Variants in TMC7 observed in about 807,000 individuals in gnomAD.
TMC7 encodes the protein transmembrane channel like 7.
In TMC7, 54 loss-of-function variants were observed where a neutral mutation model predicts 82.9. The observed-to-expected ratio is 0.65, with a 90% CI of 0.52 to 0.82. TMC7 has a LOEUF of 0.82. Among genes scored for constraint, TMC7 ranks in the 40% least tolerant of loss-of-function variants. TMC7 has a pLI of 0.00. For missense variants in TMC7, 820 were observed against 901.2 expected, an observed-to-expected ratio of 0.91 and a Z score of 1.15; for synonymous variants, 350 against 337.9, an observed-to-expected ratio of 1.04 and a Z score of -0.39.
chr16:19,026,676 C>T (rs1333984597), intron 5 of TMC7, among the ~76,000 whole-genome samples: 1 of 152,110 alleles, frequency 6.6e-6, no homozygotes, highest in Non-Finnish European at 1.5e-5. Flanking sequence ...ATAAAGTAAG[C>T]ATGATAACAG....
intron 12 of TMC7, chr16:19,049,653 C>G: frequency 1.0e-6 from 1 of 985,238 alleles, no homozygotes; most frequent in Non-Finnish European, 1.2e-6. Flanking sequence ...TAGCATAGTA[C>G]AGACACTGTG....
At chr16:19,023,231 A>G (rs1372141469) in intron 5 of TMC7, 36 bp downstream of exon 5, 4 of 1,360,482 alleles carry the variant, frequency 2.9e-6, no homozygotes, top group South Asian at 1.2e-5. Flanking sequence ...TTAGCTCCTC[A>G]ATCTACTAAA....
chr16:19,014,047 T>C (rs1959539101), intron 2 of TMC7, among the ~76,000 whole-genome samples: 1 of 151,524 alleles, frequency 6.6e-6, no homozygotes, highest in Non-Finnish European at 1.5e-5. Flanking sequence ...ATTTTGTTTT[T>C]AGTAGAGATG....
intron 2 of TMC7, 63 bp downstream of exon 2, chr16:19,009,478 G>C: frequency 2.0e-6 from 3 of 1,529,186 alleles, no homozygotes; most frequent in Non-Finnish European, 2.6e-6. Flanking sequence ...TATGTTTTGT[G>C]CGTGAAATGC....
intron 5 of TMC7, among the ~76,000 whole-genome samples, chr16:19,024,281 C>T (rs750373911): frequency 5.3e-5 from 8 of 151,980 alleles, no homozygotes; most frequent in Non-Finnish European, 7.4e-5. Context: ...ATTAGCTGGG[C>T]GTGGTGGCGT....
At chr16:19,052,165 C>G (rs1251005242) in intron 13 of TMC7, among the ~76,000 whole-genome samples, 1 of 152,102 alleles carries the variant, frequency 6.6e-6, no homozygotes, top group Non-Finnish European at 1.5e-5. Flanking sequence ...CTCCTGACCT[C>G]AGGTGATCCG....
At chr16:18,989,289 G>A (rs565682837) in intron 1 of TMC7, among the ~76,000 whole-genome samples, 1 of 152,192 alleles carries the variant, frequency 6.6e-6, no homozygotes, top group South Asian at 2.1e-4. Context: ...GGCTGGATTC[G>A]TTCTCTGGTG....
At chr16:19,055,763 G>A (rs1191506523) in intron 13 of TMC7, among the ~76,000 whole-genome samples, 1 of 152,106 alleles carries the variant, frequency 6.6e-6, no homozygotes, top group Non-Finnish European at 1.5e-5. Context: ...AGGACGTGCA[G>A]GTTTGTTACC....
At chr16:19,051,552 A>C in intron 12 of TMC7, 134 bp from the exon 13 acceptor site, 1 of 976,276 alleles carries the variant, frequency 1.0e-6, no homozygotes, top group Non-Finnish European at 1.5e-6. Context: ...TTTCATTTTG[A>C]TCTGTATTGC....
chr16:19,040,426 G>C lies in TMC7; in HGVS notation c.1317G>C (p.Glu439Asp). 1 of 1,612,298 alleles carries C rather than the reference G, an allele frequency of 6.2e-7. No homozygotes were observed. Among genetic ancestry groups the C allele is most frequent in the Non-Finnish European group, 8.5e-7 (1 of 1,179,962 alleles). Residue 439 changes from glutamate to aspartate, a missense_variant, in exon 9 of 16, where the codon GAG (glutamate) becomes GAC (aspartate). By Grantham distance (45) the Glu-to-Asp change is conservative. Around this residue, in one of 2 missense-constraint regions of TMC7, gnomAD observed 650 missense variants for 669.9 expected, o/e 0.97. Coordinates refer to ENST00000304381, the MANE Select transcript of TMC7 (RefSeq NM_024847.4). ...ATGAGGATTATTCTCCAGGCTTTGAGATCCGTCTGACAATCCTTAGGTAAT... is the reference window on the plus strand; with the variant it reads ...ATGAGGATTATTCTCCAGGCTTTGACATCCGTCTGACAATCCTTAGGTAAT... ...IRYEDYSPGF[E>D]IRLTILRCVF...
chr16:19,032,862 T>G lies in TMC7; in HGVS notation c.857+2493T>G, dbSNP rs958948172. On this transcript the variant is annotated intron_variant, in intron 6 of 15. Transcript: ENST00000304381. ...CAGGCTGGTCTCGAACTTCTGACCT[T>G]GTGATCCACCCACCTCGGCCTCCCA... Among the ~76,000 whole-genome samples, 4 of 152,104 alleles carry G rather than the reference T, an allele frequency of 2.6e-5. No homozygotes were observed. The East Asian group carries it at 7.7e-4, about 29-fold the overall frequency.
At chr16:19,058,254 C>A (rs1961858548) in intron 14 of TMC7, among the ~76,000 whole-genome samples, 1 of 152,056 alleles carries the variant, frequency 6.6e-6, no homozygotes, top group African/African-American at 2.4e-5. Flanking sequence ...ATTAGTCAGG[C>A]ATGTAATCCT....
At chr16:19,034,513 G>A (rs941939466) in intron 6 of TMC7, among the ~76,000 whole-genome samples, 131 of 151,070 alleles carry the variant, frequency 8.7e-4, no homozygotes, top group Non-Finnish European at 7.4e-5. Flanking sequence ...CAGGAGAATC[G>A]CTTGAACCCG....
At chr16:18,985,495 G>A (rs1426122406) in intron 1 of TMC7, among the ~76,000 whole-genome samples, 4 of 152,068 alleles carry the variant, frequency 2.6e-5, no homozygotes, top group Admixed American at 2.6e-4. Context: ...TATTTTTTTA[G>A]TTGGTTCCTA....
Position 19,016,329 on chromosome 16 carries a change from A to G in TMC7, c.312-121A>G. On this transcript the variant is annotated intron_variant, in intron 2 of 15. Coordinates refer to ENST00000304381, the MANE Select transcript of TMC7 (RefSeq NM_024847.4). ...GGTCTTGAACTCCTGACCTCAGGTG[A>G]TCCACCTGCCTCGGCCTCCCAGAGT... 2.6e-6 allele frequency: 3 copies of G among 1,172,326 alleles called. No homozygotes were observed. In the South Asian group the frequency reaches 4.4e-5, roughly 17 times the overall value. 72.6% of individuals were successfully genotyped at this position (1,172,326 alleles called of 1,614,324 possible).
intron 1 of TMC7, among the ~76,000 whole-genome samples, chr16:18,988,637 G>A (rs2038896225): frequency 6.6e-6 from 1 of 152,186 alleles, no homozygotes; most frequent in East Asian, 1.9e-4. Context: ...ATGTTGCCAG[G>A]CTGGTCTCAA....
intron 9 of TMC7, among the ~76,000 whole-genome samples, chr16:19,044,587 G>A (rs1008945820): frequency 3.3e-5 from 5 of 151,724 alleles, no homozygotes; most frequent in African/African-American, 4.8e-5. Flanking sequence ...ATTGCTTGGG[G>A]CCAGGAGTTC....
chr16:19,023,279 C>A (rs1443254760), intron 5 of TMC7, 84 bp downstream of exon 5: 1 of 841,104 alleles, frequency 1.2e-6, no homozygotes, highest in Non-Finnish European at 1.9e-6. Flanking sequence ...CAAATTTCTG[C>A]AGTGAGAGCT....
intron 12 of TMC7, 76 bp from the exon 13 acceptor site, chr16:19,051,610 T>C: frequency 6.6e-7 from 1 of 1,523,606 alleles, no homozygotes; most frequent in Non-Finnish European, 9.1e-7. Flanking sequence ...CCCACTGTAA[T>C]GCAGGAATGC....
Sources: allele counts gnomAD v4.1 joint callset (sites outside exome capture counted in the v4.1 genomes callset), GRCh38; gene constraint gnomAD v4.1.1; regional missense constraint gnomAD v4.1.1; transcripts MANE v1.5; gene names NCBI Gene and HGNC (gene_info 2026-07-23, HGNC 2026-07-21).